SLC26A8: variants seen among roughly 807,000 people sequenced by gnomAD.
The protein encoded by SLC26A8 is testis anion transporter 1.
Under a neutral mutation model 105.0 loss-of-function variants are expected in SLC26A8, and 70 were observed. The observed-to-expected ratio is 0.67, with a 90% CI of 0.55 to 0.81. The LOEUF is 0.81. Among genes scored for constraint, SLC26A8 ranks in the 40% least tolerant of loss-of-function variants. The pLI, the probability that SLC26A8 is intolerant of heterozygous loss-of-function variation, is 0.00. For missense variants in SLC26A8, 998 were observed against 1,181.8 expected (o/e 0.84, Z 2.28); for synonymous variants, 415 against 438.3 (o/e 0.95, Z 0.66).
At chr6:36,017,767 T>C (rs1473413881) in intron 2 of SLC26A8, among the ~76,000 whole-genome samples, 2 of 152,174 alleles carry the variant, frequency 1.3e-5, no homozygotes, top group Non-Finnish European at 2.9e-5. Flanking sequence ...TACAAACATC[T>C]ATCTGATAGA....
rs1216181616 is a variant in SLC26A8 at position 35,951,509 on chromosome 6, G to A, written c.2233-10C>T. Reference sequence around the variant, plus strand: ...GAAAGGCATTGCATATCTGTGGGGGGAGAGAAAACCAGTATCAGAAGGCTT... The same window carrying A: ...GAAAGGCATTGCATATCTGTGGGGGAAGAGAAAACCAGTATCAGAAGGCTT... On this transcript the variant is annotated splice_polypyrimidine_tract_variant and intron_variant, in intron 17 of 19. Transcript: ENST00000490799. 2 of 1,614,062 alleles carry A rather than the reference G, an allele frequency of 1.2e-6. No individual in the cohort carries two copies. The highest frequency in any genetic ancestry group is 2.2e-5 in the East Asian group (1 of 44,880).
In SLC26A8 at chr6:36,011,669, G is replaced by A. The variant is rs778371726; in HGVS notation, c.328+564C>T. Among the ~76,000 whole-genome samples the A allele has an allele frequency of 1.1e-4, 17 of 152,212 alleles. No individual in the cohort carries two copies. In the East Asian group the frequency reaches 2.9e-3, roughly 26 times the overall value. On this transcript the variant is annotated intron_variant, in intron 3 of 19. Coordinates refer to ENST00000490799, the MANE Select transcript of SLC26A8 (RefSeq NM_052961.4). Reference sequence around the variant, plus strand: ...GTTGCCCAGGCTGGAGTGCAGTGGTGTGATCACTGCTCACTACAGTCTCGA... The same window carrying A: ...GTTGCCCAGGCTGGAGTGCAGTGGTATGATCACTGCTCACTACAGTCTCGA...
intron 1 of SLC26A8, among the ~76,000 whole-genome samples, chr6:36,023,063 T>C (rs1175964053): frequency 6.6e-6 from 1 of 151,576 alleles, no homozygotes. Flanking sequence ...ACTATAAATA[T>C]AGTGGATTAT....
intron 3 of SLC26A8, among the ~76,000 whole-genome samples, chr6:36,007,385 A>C (rs1012170407): frequency 2.6e-5 from 4 of 152,212 alleles, no homozygotes; most frequent in Admixed American, 2.0e-4. Flanking sequence ...ACTTTGGCAC[A>C]AATCTAACAA....
At chr6:35,982,307 T>C in intron 7 of SLC26A8, 104 bp from the exon 8 acceptor site, 1 of 1,067,638 alleles carries the variant, frequency 9.4e-7, no homozygotes, top group South Asian at 1.3e-5. Context: ...GGACAGAAAA[T>C]GAAACAGGCA....
chr6:36,019,726 A>G lies in SLC26A8; in HGVS notation c.-2-17T>C, dbSNP rs201245529. ...GTGCCATTCCTGGATGAGTGGAAAG[A>G]GAGCAAATAAAAGAGCATTTTCAGT... On this transcript the variant is annotated splice_polypyrimidine_tract_variant and intron_variant, in intron 1 of 19. Coordinates refer to ENST00000490799, the MANE Select transcript of SLC26A8 (RefSeq NM_052961.4). The G allele has an allele frequency of 6.3e-7, 1 of 1,587,556 alleles. No individual in the cohort carries two copies. The highest frequency in any genetic ancestry group is 8.6e-7 in the Non-Finnish European group (1 of 1,166,100).
At chr6:36,010,886 C>T (rs374135759) in intron 3 of SLC26A8, among the ~76,000 whole-genome samples, 217 of 152,116 alleles carry the variant, frequency 1.4e-3, no homozygotes, top group African/African-American at 5.1e-3. Flanking sequence ...GGAAAAAAAG[C>T]GCCAATTTTA....
chr6:35,967,523 C>A lies in SLC26A8; in HGVS notation c.1365+1354G>T, dbSNP rs150386340. On this transcript the variant is annotated intron_variant, in intron 11 of 19. Coordinates refer to ENST00000490799, the MANE Select transcript of SLC26A8 (RefSeq NM_052961.4). ...TCTCTACAGGGTGCTCAGTTTCACA[C>A]AAAGGGAAGAATGACACATTTGTAT... Among the ~76,000 whole-genome samples, 86 of 152,250 alleles carry A rather than the reference C, an allele frequency of 5.6e-4. No homozygotes were observed. In the East Asian group the frequency reaches 0.016, roughly 29 times the overall value.
chr6:35,960,599 T>G, intron 14 of SLC26A8: 1 of 431,362 alleles, frequency 2.3e-6, no homozygotes, highest in South Asian at 4.9e-5. Context: ...GAGGTTGCAG[T>G]AAGCCAAGAT....
intron 11 of SLC26A8, among the ~76,000 whole-genome samples, chr6:35,966,624 T>C (rs1772527627): frequency 6.6e-6 from 1 of 152,200 alleles, no homozygotes. Flanking sequence ...GGTCCTCTTG[T>C]AACTAGTTGA....
intron 3 of SLC26A8, among the ~76,000 whole-genome samples, chr6:36,010,988 C>T (rs541310043): frequency 6.6e-6 from 1 of 152,348 alleles, no homozygotes; most frequent in East Asian, 1.9e-4. Flanking sequence ...AGTTGGATTT[C>T]AGCCACAGCT....
intron 1 of SLC26A8, 140 bp downstream of exon 1, chr6:36,024,364 A>T: frequency 2.3e-6 from 1 of 435,084 alleles, no homozygotes; most frequent in Non-Finnish European, 4.6e-6. Context: ...ACCATCATTC[A>T]TTCATTCCAC....
At chr6:35,959,663 C>G (rs766675277) in intron 15 of SLC26A8, 51 bp downstream of exon 15, 3 of 1,604,942 alleles carry the variant, frequency 1.9e-6, no homozygotes, top group Non-Finnish European at 2.6e-6. Context: ...GAGAGAGATG[C>G]CAGTGGCGGG....
At chr6:36,013,356 C>T (rs1477338949) in intron 2 of SLC26A8, among the ~76,000 whole-genome samples, 1 of 152,136 alleles carries the variant, frequency 6.6e-6, no homozygotes, top group East Asian at 1.9e-4. Context: ...GCCACCATGC[C>T]TGGCTAATTT....
At chr6:35,953,531 T>C (rs1771950867) in intron 17 of SLC26A8, among the ~76,000 whole-genome samples, 1 of 152,106 alleles carries the variant, frequency 6.6e-6, no homozygotes, top group Non-Finnish European at 1.5e-5. Flanking sequence ...TAGTAGACAC[T>C]CAGCAACGTG....
At chr6:35,954,931 T>G in intron 17 of SLC26A8, 2 of 479,698 alleles carry the variant, frequency 4.2e-6, no homozygotes, top group Admixed American at 3.4e-5. Flanking sequence ...GGCAACAGAG[T>G]GAGGCTCCAT....
chr6:35,949,135 T>TA (rs200347592), intron 19 of SLC26A8, among the ~76,000 whole-genome samples: 5,325 of 151,974 alleles, frequency 0.035, 108 homozygotes, highest in Middle Eastern at 0.075. Flanking sequence ...GCTACATAGA[T>TA]AAAAAATAAA....
intron 19 of SLC26A8, among the ~76,000 whole-genome samples, chr6:35,946,137 T>A (rs993277543): frequency 2.0e-5 from 3 of 152,248 alleles, no homozygotes; most frequent in African/African-American, 7.2e-5. Flanking sequence ...TGCTGATGAT[T>A]CTTTGGTTAT....
chr6:36,023,162 T>TATCCATCCATCCATCC (rs68186703), intron 1 of SLC26A8, among the ~76,000 whole-genome samples: 9,167 of 143,004 alleles, frequency 0.064, 331 homozygotes, highest in Non-Finnish European at 0.076. Context: ...ATAGTACCCT[T>TATCCATCCATCCATCC]ATCCATCCAT....
Sources: allele counts gnomAD v4.1 joint callset (sites outside exome capture counted in the v4.1 genomes callset), GRCh38; gene constraint gnomAD v4.1.1; transcripts MANE v1.5; gene names NCBI Gene and HGNC (gene_info 2026-07-23, HGNC 2026-07-21).